Variants in LATS2 observed in about 807,000 individuals in gnomAD.
The protein encoded by LATS2 is serine/threonine-protein kinase LATS2.
In LATS2, 24 loss-of-function variants were observed where a neutral mutation model predicts 76.0. The ratio of observed to expected loss-of-function variants is 0.32; its 90% CI spans 0.23 to 0.44. LATS2 has a LOEUF of 0.44. Among genes scored for constraint, LATS2 ranks in the 20% least tolerant of loss-of-function variants. LATS2 has a pLI of 1.00. For missense variants in LATS2, 1,286 were observed against 1,481.2 expected, an observed-to-expected ratio of 0.87 and a Z score of 2.16; for synonymous variants, 692 against 635.4, an observed-to-expected ratio of 1.09 and a Z score of -1.34.
At chr13:21,018,388 G>A (rs1871893526) in intron 2 of LATS2, among the ~76,000 whole-genome samples, 2 of 121,042 alleles carry the variant, frequency 1.7e-5, no homozygotes, top group South Asian at 4.9e-4. Flanking sequence ...GAGGAGACAA[G>A]GGTTGACATG....
At chr13:20,979,846 C>T (rs1402869418) in intron 6 of LATS2, 49 bp from the exon 7 acceptor site, 9 of 1,028,186 alleles carry the variant, frequency 8.8e-6, no homozygotes, top group South Asian at 4.1e-5. Flanking sequence ...AATTCTCCTC[C>T]GAGGTGAATT....
intron 2 of LATS2, among the ~76,000 whole-genome samples, chr13:20,994,674 T>C (rs965222365): frequency 2.6e-5 from 4 of 152,098 alleles, no homozygotes; most frequent in African/African-American, 9.7e-5. Context: ...GCAGGAAGAC[T>C]GCTTGAGCCC....
chr13:21,015,871 T>G (rs1324721144), intron 2 of LATS2, among the ~76,000 whole-genome samples: 1 of 149,436 alleles, frequency 6.7e-6, no homozygotes, highest in African/African-American at 2.5e-5. Context: ...AGCTAATTTT[T>G]GTATTTTTGT....
intron 6 of LATS2, 97 bp from the exon 7 acceptor site, chr13:20,979,894 G>A: frequency 1.4e-6 from 1 of 696,690 alleles, no homozygotes; most frequent in Non-Finnish European, 2.5e-6. Flanking sequence ...CCTGTTAAGT[G>A]GGAAAGCGCG....
chr13:20,975,772 C>T (rs537683150), intron 7 of LATS2, among the ~76,000 whole-genome samples: 9 of 152,204 alleles, frequency 5.9e-5, no homozygotes, highest in African/African-American at 1.9e-4. Flanking sequence ...CAACCTCCGC[C>T]TCCTGGGTTC....
intron 1 of LATS2, among the ~76,000 whole-genome samples, chr13:21,053,227 C>G (rs1451728426): frequency 7.5e-4 from 83 of 110,852 alleles, no homozygotes; most frequent in Non-Finnish European, 7.4e-4. Context: ...GAGTGAGACT[C>G]TGTCTCAAAA....
chr13:21,041,854 G>A (rs553125922), intron 2 of LATS2, among the ~76,000 whole-genome samples: 1 of 152,254 alleles, frequency 6.6e-6, no homozygotes, highest in Admixed American at 6.5e-5. Flanking sequence ...CATCCTGAGT[G>A]CTATAATTAA....
intron 2 of LATS2, among the ~76,000 whole-genome samples, chr13:20,999,071 G>T (rs965095842): frequency 6.6e-6 from 1 of 152,254 alleles, no homozygotes; most frequent in Non-Finnish European, 1.5e-5. Flanking sequence ...CGAGGCAGGG[G>T]CCCCGGTGAC....
At chr13:20,977,898 C>T (rs1297999842) in intron 7 of LATS2, among the ~76,000 whole-genome samples, 1 of 151,896 alleles carries the variant, frequency 6.6e-6, no homozygotes, top group Non-Finnish European at 1.5e-5. Context: ...CTAAGCCTTA[C>T]TTTAGGGTTT....
chr13:20,974,713 T>G lies in LATS2; in HGVS notation c.*157A>C. 4.1e-6 allele frequency: 3 copies of G among 723,244 alleles called. No individual in the cohort carries two copies. Among genetic ancestry groups the G allele is most frequent in the Non-Finnish European group, 6.6e-6 (3 of 452,502 alleles). 44.8% of individuals were successfully genotyped at this position (723,244 alleles called of 1,614,324 possible). On this transcript the variant is annotated 3_prime_UTR_variant, in exon 8 of 8. Coordinates refer to ENST00000382592, the MANE Select transcript of LATS2 (RefSeq NM_014572.3). ...GAGTCCTGTTTTCAAAAGTGTCCTGTTTGGGTTTTCTTGGTGAAGAGCAGA... is the reference window on the plus strand; with the variant it reads ...GAGTCCTGTTTTCAAAAGTGTCCTGGTTGGGTTTTCTTGGTGAAGAGCAGA...
chr13:20,995,437 C>G (rs560472376), intron 2 of LATS2, among the ~76,000 whole-genome samples: 1 of 152,310 alleles, frequency 6.6e-6, no homozygotes, highest in African/African-American at 2.4e-5. Context: ...CAGCCCTGCC[C>G]CAAAGCAAGA....
In LATS2 at chr13:20,974,699, T is replaced by C; in HGVS notation, c.*171A>G. On this transcript the variant is annotated 3_prime_UTR_variant, in exon 8 of 8. Coordinates refer to ENST00000382592, the MANE Select transcript of LATS2 (RefSeq NM_014572.3). ...TTGAAAGCGATGCTGAGTCCTGTTT[T>C]CAAAAGTGTCCTGTTTGGGTTTTCT... is the stretch of plus-strand genomic sequence containing the variant. 1.5e-6 allele frequency: 1 copy of C among 661,602 alleles called. No individual in the cohort carries two copies. The highest frequency in any genetic ancestry group is 2.5e-6 in the Non-Finnish European group (1 of 398,660). 41.0% of individuals were successfully genotyped at this position (661,602 alleles called of 1,614,324 possible). A position where few individuals can be genotyped will look rare whatever the true frequency, so the allele number is the denominator to read the frequency against.
intron 2 of LATS2, among the ~76,000 whole-genome samples, chr13:21,025,148 G>A (rs1427761913): frequency 6.6e-6 from 1 of 151,768 alleles, no homozygotes; most frequent in East Asian, 1.9e-4. Flanking sequence ...ACGGGGCCAG[G>A]TGCGGTGGCT....
intron 2 of LATS2, among the ~76,000 whole-genome samples, chr13:21,035,182 G>A (rs377277425): frequency 2.2e-4 from 34 of 152,082 alleles, no homozygotes; most frequent in African/African-American, 8.2e-4. Flanking sequence ...TTTAATTCAA[G>A]AGCTATGAAT....
At chr13:21,018,608 T>C (rs1871906386) in intron 2 of LATS2, among the ~76,000 whole-genome samples, 1 of 152,056 alleles carries the variant, frequency 6.6e-6, no homozygotes, top group South Asian at 2.1e-4. Flanking sequence ...TGCCTGAGAG[T>C]GACATGCTGT....
chr13:20,988,859 AGGG>A lies in LATS2; in HGVS notation c.918_920del (p.Pro307del). ...GGTGCGGCACGTAGAGCCCGGCGGCAGGGGGTGGGAAAGCGAGGCCGGCGCCTG... is the reference window on the plus strand; with the variant it reads ...GGTGCGGCACGTAGAGCCCGGCGGCAGGTGGGAAAGCGAGGCCGGCGCCTG... On this transcript the variant is annotated inframe_deletion, in exon 4 of 8. Coordinates refer to ENST00000382592, the MANE Select transcript of LATS2 (RefSeq NM_014572.3). The A allele has an allele frequency of 6.3e-7, 1 of 1,585,718 alleles. No homozygotes were observed. The highest frequency in any genetic ancestry group is 8.5e-7 in the Non-Finnish European group (1 of 1,172,180).
intron 2 of LATS2, among the ~76,000 whole-genome samples, chr13:21,003,633 G>A (rs918448045): frequency 6.6e-6 from 1 of 151,968 alleles, no homozygotes; most frequent in Non-Finnish European, 1.5e-5. Context: ...GTAGAGATGG[G>A]GTTTCACCAT....
At chr13:21,053,184 G>A (rs531344834) in intron 1 of LATS2, among the ~76,000 whole-genome samples, 32 of 136,282 alleles carry the variant, frequency 2.3e-4, no homozygotes, top group African/African-American at 8.3e-4. Context: ...GCAGTGAGCC[G>A]AGAACATGCC....
chr13:20,998,659 C>G (rs1490531196), intron 2 of LATS2, among the ~76,000 whole-genome samples: 1 of 152,232 alleles, frequency 6.6e-6, no homozygotes, highest in Non-Finnish European at 1.5e-5. Context: ...CTCCTCTAAC[C>G]GCCCCACCAT....
Sources: gnomAD v4.1 joint callset for allele counts (sites outside exome capture counted in the v4.1 genomes callset) on GRCh38, gnomAD v4.1.1 for gene constraint, MANE v1.5 for transcripts, NCBI Gene and HGNC (gene_info 2026-07-23, HGNC 2026-07-21) for gene names.